Variants in MEI4 observed in about 807,000 individuals in gnomAD.
MEI4 encodes the protein meiotic double-stranded break formation protein 4.
Under a neutral mutation model 31.4 loss-of-function variants are expected in MEI4, and 27 were observed. The observed-to-expected ratio is 0.86, with a 90% CI of 0.63 to 1.19. The LOEUF (loss-of-function observed/expected upper bound fraction) is 1.19. MEI4 is among the 50% of genes most tolerant of loss of function. The pLI, the probability that MEI4 is intolerant of heterozygous loss-of-function variation, is 0.00. For synonymous variants in MEI4, 122 were observed against 145.4 expected (o/e 0.84, Z 1.16); for missense variants, 329 against 398.9 (o/e 0.82, Z 1.49).
chr6:77,797,550 G>A (rs1769113408), intron 3 of MEI4, among the ~76,000 whole-genome samples: 1 of 152,108 alleles, frequency 6.6e-6, no homozygotes, highest in South Asian at 2.1e-4. Flanking sequence ...AAGTAGGGAA[G>A]CCAACAGCCT....
chr6:77,921,769 A>T (rs1259262344), intron 4 of MEI4, among the ~76,000 whole-genome samples: 3 of 151,776 alleles, frequency 2.0e-5, no homozygotes, highest in African/African-American at 7.2e-5. Flanking sequence ...TAAGGAGAGT[A>T]AGGGAGATAG....
rs979245195 is a variant in MEI4, at chr6:77,923,429, G to A, written c.*83G>A. ...TCTCATACTGAAAAGATTTTCAATA[G>A]TATTTTAATTAGCATTTTAGAATTG... On this transcript the variant is annotated 3_prime_UTR_variant, in exon 5 of 5. Coordinates refer to ENST00000684080, the MANE Select transcript of MEI4 (RefSeq NM_001322247.2). 5 of 1,039,264 alleles carry A rather than the reference G, an allele frequency of 4.8e-6. No homozygotes were observed. The highest frequency in any genetic ancestry group is 6.1e-6 in the Non-Finnish European group (5 of 814,286). 64.4% of individuals were successfully genotyped at this position (1,039,264 alleles called of 1,614,324 possible). A position where few individuals can be genotyped will look rare whatever the true frequency, so the allele number is the denominator to read the frequency against.
chr6:77,743,947 T>A (rs1048321741), intron 2 of MEI4, among the ~76,000 whole-genome samples: 25 of 151,970 alleles, frequency 1.6e-4, no homozygotes, highest in African/African-American at 4.8e-4. Context: ...AGAAAGGACA[T>A]CCACACCAAA....
chr6:77,700,618 G>A (rs1008268899), intron 2 of MEI4, among the ~76,000 whole-genome samples: 1 of 152,158 alleles, frequency 6.6e-6, no homozygotes, highest in African/African-American at 2.4e-5. Flanking sequence ...TGACTGTCTG[G>A]CACTCCCTAG....
At position 77,761,604 on chromosome 6, in the gene MEI4, A is replaced by C. The variant is rs1768047485; in HGVS notation, c.707A>C (p.Lys236Thr). ...CATATTCTTAAAAAGTGTTCCAAGA[A>C]GTTGGAAGAATTTGAGAAAACCCTA... ...SSHILKKCSK[K>T]LEEFEKTLLH... The change falls in exon 3 of 5, where the codon AAG becomes ACG. Residue 236 changes from lysine to threonine, a missense_variant. Coordinates refer to ENST00000684080, the MANE Select transcript of MEI4 (RefSeq NM_001322247.2). 2 of 1,231,938 alleles carry C rather than the reference A, an allele frequency of 1.6e-6. No homozygotes were observed. 76.3% of individuals were successfully genotyped at this position (1,231,938 alleles called of 1,614,324 possible). A position where few individuals can be genotyped will look rare whatever the true frequency, so the allele number is the denominator to read the frequency against.
At chr6:77,885,183 C>CTT (rs1006306194) in intron 4 of MEI4, among the ~76,000 whole-genome samples, 2 of 139,418 alleles carry the variant, frequency 1.4e-5, no homozygotes, top group Non-Finnish European at 3.1e-5. Context: ...GCTAGTGACT[C>CTT]TTTTTTTTTT....
chr6:77,772,967 A>G (rs1248834943), intron 3 of MEI4, among the ~76,000 whole-genome samples: 2 of 143,158 alleles, frequency 1.4e-5, no homozygotes, highest in Non-Finnish European at 3.1e-5. Flanking sequence ...CAAATATAAT[A>G]AAAGACCTAT....
At chr6:77,892,992 T>C (rs1298111159) in intron 4 of MEI4, among the ~76,000 whole-genome samples, 2 of 152,086 alleles carry the variant, frequency 1.3e-5, no homozygotes, top group African/African-American at 4.8e-5. Flanking sequence ...TGCAGGAGCC[T>C]GCAGTGGGGA....
intron 2 of MEI4, among the ~76,000 whole-genome samples, chr6:77,710,873 T>G (rs1168635667): frequency 2.0e-5 from 3 of 152,206 alleles, no homozygotes; most frequent in Non-Finnish European, 4.4e-5. Flanking sequence ...GAACTATTAT[T>G]TTTTCTATAG....
chr6:77,842,053 A>G (rs904633150), intron 4 of MEI4, among the ~76,000 whole-genome samples: 5 of 152,190 alleles, frequency 3.3e-5, no homozygotes, highest in Non-Finnish European at 5.9e-5. Context: ...GCAATATCTT[A>G]GAAAACCATA....
intron 3 of MEI4, among the ~76,000 whole-genome samples, chr6:77,770,270 A>G (rs973393805): frequency 1.3e-5 from 2 of 152,124 alleles, no homozygotes; most frequent in Non-Finnish European, 2.9e-5. Context: ...AGATTGAACC[A>G]TGAAGAAATT....
intron 3 of MEI4, among the ~76,000 whole-genome samples, chr6:77,801,589 A>C (rs934487498): frequency 2.0e-5 from 3 of 152,028 alleles, no homozygotes; most frequent in Non-Finnish European, 4.4e-5. Flanking sequence ...TAGGGTGTCA[A>C]TTTTAGATCT....
In MEI4 at chr6:77,740,061, CA is replaced by C. The variant is rs1246098833; in HGVS notation, c.233-21066del. On this transcript the variant is annotated intron_variant, in intron 2 of 4. Transcript: ENST00000684080. The stretch of plus-strand genomic sequence containing the variant: ...TCTACCTTAATTGCATTATTTACCC[CA>C]AAGTCATTCAGGAGCAGGTTATTCA... 2.0e-5 allele frequency among the ~76,000 whole-genome samples: 3 copies of C among 152,130 alleles called. No individual in the cohort carries two copies. The East Asian group carries it at 5.8e-4, about 29-fold the overall frequency.
chr6:77,849,836 C>T (rs905843229), intron 4 of MEI4, among the ~76,000 whole-genome samples: 1 of 152,090 alleles, frequency 6.6e-6, no homozygotes, highest in African/African-American at 2.4e-5. Context: ...GGTGGAATTG[C>T]TACTTTATAC....
At chr6:77,868,214 A>AT (rs1771097904) in intron 4 of MEI4, among the ~76,000 whole-genome samples, 1 of 133,766 alleles carries the variant, frequency 7.5e-6, no homozygotes, top group South Asian at 2.2e-4. Flanking sequence ...AAGCATAATA[A>AT]TAAAAAAAAA....
At chr6:77,689,105 ATAAC>A (rs1430041412) in intron 1 of MEI4, among the ~76,000 whole-genome samples, 3 of 152,044 alleles carry the variant, frequency 2.0e-5, no homozygotes. Context: ...AATTAGAAAA[ATAAC>A]AAAGAAATGA....
intron 3 of MEI4, among the ~76,000 whole-genome samples, chr6:77,764,762 T>A (rs566893008): frequency 4.6e-5 from 7 of 152,330 alleles, no homozygotes; most frequent in African/African-American, 1.7e-4. Context: ...AGATGTTTCT[T>A]TCTGACCACA....
chr6:77,746,798 G>A (rs1767622099), intron 2 of MEI4, among the ~76,000 whole-genome samples: 1 of 151,988 alleles, frequency 6.6e-6, no homozygotes, highest in African/African-American at 2.4e-5. Context: ...AGCCAAGGAT[G>A]GTTTTTTACT....
intron 4 of MEI4, among the ~76,000 whole-genome samples, chr6:77,897,882 C>T (rs765654750): frequency 6.6e-6 from 1 of 152,000 alleles, no homozygotes; most frequent in Non-Finnish European, 1.5e-5. Flanking sequence ...CTGTACTCTG[C>T]TCTAACCAGA....
Sources: allele counts gnomAD v4.1 joint callset (sites outside exome capture counted in the v4.1 genomes callset), GRCh38; gene constraint gnomAD v4.1.1; transcripts MANE v1.5; gene names NCBI Gene and HGNC (gene_info 2026-07-23, HGNC 2026-07-21).